VAV2: variants seen among roughly 807,000 people sequenced by gnomAD.
The protein encoded by VAV2 is guanine nucleotide exchange factor VAV2.
In VAV2, 67 loss-of-function variants were observed where a neutral mutation model predicts 132.5. That is an observed-to-expected ratio of 0.51 (90% confidence interval 0.42 to 0.62). The LOEUF is 0.62. Among genes scored for constraint, VAV2 ranks in the 20% least tolerant of loss-of-function variants. VAV2 has a pLI of 0.00. For missense variants in VAV2, 938 were observed against 1,153.6 expected, an observed-to-expected ratio of 0.81 and a Z score of 2.71; for synonymous variants, 492 against 443.5, an observed-to-expected ratio of 1.11 and a Z score of -1.37.
At chr9:133,795,646 CT>C (rs1221390551) in intron 12 of VAV2, 21 bp downstream of exon 12, 1 of 1,613,804 alleles carries the variant, frequency 6.2e-7, no homozygotes, top group Non-Finnish European at 8.5e-7. Context: ...GGCTTCTCCC[CT>C]GCCTCAGTTT....
intron 3 of VAV2, among the ~76,000 whole-genome samples, chr9:133,842,856 G>A (rs961318761): frequency 1.3e-5 from 2 of 152,232 alleles, no homozygotes; most frequent in African/African-American, 4.8e-5. Flanking sequence ...ACTGTGTGCC[G>A]GGGAAACAGC....
intron 4 of VAV2, among the ~76,000 whole-genome samples, chr9:133,817,057 T>C (rs552570276): frequency 4.1e-4 from 63 of 152,348 alleles, no homozygotes; most frequent in Admixed American, 8.5e-4. Flanking sequence ...CTGCATTGAG[T>C]CTACAGTGTA....
At chr9:133,825,490 C>T (rs1030841578) in intron 4 of VAV2, among the ~76,000 whole-genome samples, 1 of 152,114 alleles carries the variant, frequency 6.6e-6, no homozygotes, top group Non-Finnish European at 1.5e-5. Context: ...CAAACTTGTC[C>T]CCTTTGGAAA....
intron 2 of VAV2, among the ~76,000 whole-genome samples, chr9:133,924,625 C>T (rs111269646): frequency 0.025 from 3,868 of 152,332 alleles, 143 homozygotes; most frequent in African/African-American, 0.088. Flanking sequence ...AAGAACACGT[C>T]CACTAGGAGG....
intron 4 of VAV2, among the ~76,000 whole-genome samples, chr9:133,815,483 C>A (rs570973510): frequency 6.6e-6 from 1 of 152,272 alleles, no homozygotes; most frequent in Admixed American, 6.5e-5. Flanking sequence ...CCCGAGCAAC[C>A]ACCCTTCTGA....
intron 24 of VAV2, among the ~76,000 whole-genome samples, chr9:133,775,648 C>T (rs1833785801): frequency 6.6e-6 from 1 of 152,246 alleles, no homozygotes; most frequent in South Asian, 2.1e-4. Context: ...TGATTTCAAA[C>T]AGCCTCACTG....
intron 25 of VAV2, 58 bp from the exon 26 acceptor site, chr9:133,772,104 C>T: frequency 6.8e-7 from 1 of 1,466,324 alleles, no homozygotes; most frequent in Admixed American, 1.7e-5. Context: ...CCCCGGCCCC[C>T]TTGGCAGCCA....
chr9:133,784,703 G>C (rs1463154886), intron 17 of VAV2, among the ~76,000 whole-genome samples: 1 of 152,202 alleles, frequency 6.6e-6, no homozygotes, highest in Non-Finnish European at 1.5e-5. Flanking sequence ...TTGGATGTGG[G>C]CAGGTGTGGG....
At chr9:133,940,811 T>C (rs1841118958) in intron 1 of VAV2, among the ~76,000 whole-genome samples, 1 of 151,956 alleles carries the variant, frequency 6.6e-6, no homozygotes, top group Non-Finnish European at 1.5e-5. Context: ...ATAATCACAG[T>C]ACCTACAGCA....
intron 4 of VAV2, among the ~76,000 whole-genome samples, chr9:133,816,753 C>A (rs1306160472): frequency 3.9e-5 from 6 of 152,158 alleles, no homozygotes; most frequent in Non-Finnish European, 1.5e-5. Flanking sequence ...AACAAACAAA[C>A]AAAAACCTTA....
intron 2 of VAV2, among the ~76,000 whole-genome samples, chr9:133,901,181 G>A (rs1474624102): frequency 6.6e-6 from 1 of 152,164 alleles, no homozygotes; most frequent in Non-Finnish European, 1.5e-5. Flanking sequence ...GAAAACCATG[G>A]CCCAGTTTTA....
In VAV2 at chr9:133,883,012, C is replaced by T. The variant is rs145204736; in HGVS notation, c.322-21580G>A. Among the ~76,000 whole-genome samples, 893 of 152,202 alleles carry T rather than the reference C, an allele frequency of 5.9e-3. 13 individuals carry two copies. The highest frequency in any genetic ancestry group is 0.021 in the African/African-American group (854 of 41,538). On this transcript the variant is annotated intron_variant, in intron 2 of 29. Transcript: ENST00000371850. This position sits in a 1 kb window ranked among gnomAD's most constrained non-coding sequence, Gnocchi z 4.2. ...TGGCACCCTGGGTTCGGGATGTGGGCCCCACACCCACCCCATGCCAGGCTT... is the reference window on the plus strand; with the variant it reads ...TGGCACCCTGGGTTCGGGATGTGGGTCCCACACCCACCCCATGCCAGGCTT...
chr9:133,772,266 G>A (rs994553876), intron 25 of VAV2, among the ~76,000 whole-genome samples: 19 of 152,170 alleles, frequency 1.2e-4, no homozygotes, highest in African/African-American at 2.2e-4. Context: ...TTTGGGGCCC[G>A]GAACCCCTGG....
intron 17 of VAV2, 80 bp downstream of exon 17, chr9:133,785,695 CA>C: frequency 7.1e-7 from 1 of 1,399,864 alleles, no homozygotes; most frequent in Non-Finnish European, 1.0e-6. Context: ...TGAGAGGAAC[CA>C]CAGACACAAT....
intron 2 of VAV2, among the ~76,000 whole-genome samples, chr9:133,913,088 G>A (rs1357663967): frequency 1.3e-5 from 2 of 152,170 alleles, no homozygotes; most frequent in Non-Finnish European, 2.9e-5. Flanking sequence ...AGCTTTGGGT[G>A]GAGCCCTTTG....
At chr9:133,847,814 G>A (rs552019568) in intron 3 of VAV2, among the ~76,000 whole-genome samples, 1 of 152,294 alleles carries the variant, frequency 6.6e-6, no homozygotes, top group East Asian at 1.9e-4. Flanking sequence ...CCCTGTGCAC[G>A]CCTGGTCGTG....
chr9:133,972,024 G>A (rs1055908914), intron 1 of VAV2, among the ~76,000 whole-genome samples: 4 of 152,098 alleles, frequency 2.6e-5, no homozygotes, highest in African/African-American at 9.7e-5. Flanking sequence ...TCTGCCCCAG[G>A]TCACACAGCG....
chr9:133,895,554 A>G (rs1839165283), intron 2 of VAV2, among the ~76,000 whole-genome samples: 1 of 152,212 alleles, frequency 6.6e-6, no homozygotes, highest in Admixed American at 6.5e-5. Context: ...GCACAGGGAC[A>G]ATCTATTGTG....
At chr9:133,811,724 T>C (rs1835365945) in intron 5 of VAV2, among the ~76,000 whole-genome samples, 1 of 152,224 alleles carries the variant, frequency 6.6e-6, no homozygotes, top group Non-Finnish European at 1.5e-5. Flanking sequence ...ACGCGTGCTG[T>C]TAGACCATGC....
Sources: allele counts gnomAD v4.1 joint callset (sites outside exome capture counted in the v4.1 genomes callset), GRCh38; gene constraint gnomAD v4.1.1; non-coding constraint Gnocchi (gnomAD v3.1); transcripts MANE v1.5; gene names NCBI Gene and HGNC (gene_info 2026-07-23, HGNC 2026-07-21).